The following BRINP1 variants were observed in gnomAD, a reference collection of about 807,000 sequenced individuals.
BRINP1 encodes BMP/retinoic acid-inducible neural-specific protein 1.
Under a neutral mutation model 72.9 loss-of-function variants are expected in BRINP1, and 17 were observed. That is an observed-to-expected ratio of 0.23 (90% CI 0.16 to 0.35). The LOEUF is 0.35. Among genes scored for constraint, BRINP1 ranks in the 10% least tolerant of loss-of-function variants. BRINP1 has a pLI of 1.00. For missense variants in BRINP1, 850 were observed against 1,001.6 expected (o/e 0.85, Z 2.04); for synonymous variants, 418 against 378.5 (o/e 1.10, Z -1.21).
intron 2 of BRINP1, among the ~76,000 whole-genome samples, chr9:119,265,505 G>A (rs1052201347): frequency 6.6e-6 from 1 of 152,086 alleles, no homozygotes; most frequent in East Asian, 1.9e-4. Flanking sequence ...GCTAAGGTGA[G>A]AGAATCACTT....
At chr9:119,308,322 C>T (rs1831019537) in intron 2 of BRINP1, among the ~76,000 whole-genome samples, 1 of 152,174 alleles carries the variant, frequency 6.6e-6, no homozygotes, top group Admixed American at 6.5e-5. Context: ...TACCTGGAAT[C>T]AAAAGCTGAA....
Position 119,249,010 on chromosome 9 carries a change from G to T in BRINP1, c.359C>A (p.Thr120Asn), listed in dbSNP as rs201992192. 4.3e-4 allele frequency: 694 copies of T among 1,613,992 alleles called. No homozygotes were observed. Among genetic ancestry groups the T allele is most frequent in the Middle Eastern group, 6.6e-4 (4 of 6,060 alleles). Reference protein sequence around the residue: ...RRPTTQQFIDTIIKKYGTHLL... With the variant: ...RRPTTQQFIDNIIKKYGTHLL... ...GTGGGTGCCGTACTTTTTGATGATG[G>T]TATCGATGAACTGCTGAGTGGTAGG... Residue 120 changes from threonine to asparagine, a missense_variant, in exon 3 of 8, where the codon ACC becomes AAC. Thr to Asn is a moderately conservative substitution (Grantham distance 65). Coordinates refer to ENST00000265922, the MANE Select transcript of BRINP1 (RefSeq NM_014618.3).
At chr9:119,353,818 A>G (rs1328640279) in intron 1 of BRINP1, among the ~76,000 whole-genome samples, 1 of 92,828 alleles carries the variant, frequency 1.1e-5, no homozygotes, top group Non-Finnish European at 2.2e-5. Flanking sequence ...TTTTGTTTTG[A>G]GCACTTTTTT....
At chr9:119,213,673 G>GGTAC in intron 6 of BRINP1, 1 of 590,980 alleles carries the variant, frequency 1.7e-6, no homozygotes, top group South Asian at 2.1e-5. Context: ...CTGTCTTCTG[G>GGTAC]GTACGACAGA....
intron 1 of BRINP1, among the ~76,000 whole-genome samples, chr9:119,344,027 C>G (rs1415576281): frequency 6.6e-6 from 1 of 152,138 alleles, no homozygotes; most frequent in South Asian, 2.1e-4. Flanking sequence ...CCTCCAGAGC[C>G]CCTACAGCAT....
intron 5 of BRINP1, among the ~76,000 whole-genome samples, chr9:119,237,957 G>T (rs1830208999): frequency 6.6e-6 from 1 of 152,112 alleles, no homozygotes; most frequent in African/African-American, 2.4e-5. Context: ...ACTGCACCCT[G>T]CCTATTTTTA....
intron 1 of BRINP1, among the ~76,000 whole-genome samples, chr9:119,343,486 T>C (rs1213172477): frequency 6.6e-6 from 1 of 152,194 alleles, no homozygotes; most frequent in African/African-American, 2.4e-5. Context: ...GAATCTGGCT[T>C]CTTCAACGTG....
chr9:119,324,720 A>AATTT (rs1469903784), intron 1 of BRINP1, among the ~76,000 whole-genome samples: 7 of 152,208 alleles, frequency 4.6e-5, no homozygotes, highest in Non-Finnish European at 8.8e-5. Flanking sequence ...ATGTGTAAAT[A>AATTT]ATTTATATAC....
chr9:119,225,622 C>G (rs1258478878), intron 5 of BRINP1, among the ~76,000 whole-genome samples: 1 of 151,830 alleles, frequency 6.6e-6, no homozygotes, highest in Admixed American at 6.6e-5. Flanking sequence ...AGACCCAGAA[C>G]CCACGGATAT....
chr9:119,363,340 G>A (rs527502826), intron 1 of BRINP1, among the ~76,000 whole-genome samples: 332 of 152,152 alleles, frequency 2.2e-3, no homozygotes, highest in Middle Eastern at 6.8e-3. Context: ...GGGCTCAAGC[G>A]ATCCTCCCAC....
rs116103661 is a variant in BRINP1 at position 119,186,853 on chromosome 9, G to A, written c.1146-18629C>T. On this transcript the variant is annotated intron_variant, in intron 7 of 7. Transcript: ENST00000265922. The stretch of plus-strand genomic sequence containing the variant: ...TTCTTGTTTCTACAGCGCCTCAGAG[G>A]ATTTGGGTAGCTGTTATGTCCCACC... Among the ~76,000 whole-genome samples the A allele has an allele frequency of 3.7e-3, 562 of 152,198 alleles. 4 individuals carry two copies. Among genetic ancestry groups the A allele is most frequent in the African/African-American group, 0.013 (523 of 41,520 alleles).
intron 1 of BRINP1, among the ~76,000 whole-genome samples, chr9:119,332,029 C>T (rs373736862): frequency 1.5e-4 from 23 of 152,282 alleles, no homozygotes; most frequent in Middle Eastern, 3.4e-3. Flanking sequence ...CTAAGAAATG[C>T]CTTCCTATTG....
intron 2 of BRINP1, among the ~76,000 whole-genome samples, chr9:119,251,703 A>G (rs1489800798): frequency 1.3e-5 from 2 of 151,922 alleles, no homozygotes; most frequent in African/African-American, 4.8e-5. Flanking sequence ...AGGGGGGAGC[A>G]TGAAAAAGAG....
intron 2 of BRINP1, among the ~76,000 whole-genome samples, chr9:119,277,781 G>C (rs1366286951): frequency 6.6e-6 from 1 of 152,120 alleles, no homozygotes; most frequent in Non-Finnish European, 1.5e-5. Flanking sequence ...AACATATCTA[G>C]TAATCTCTCC....
intron 1 of BRINP1, among the ~76,000 whole-genome samples, chr9:119,341,212 A>G (rs576109136): frequency 1.8e-4 from 28 of 152,338 alleles, no homozygotes; most frequent in African/African-American, 6.0e-4. Context: ...CACATCCAGC[A>G]TTTCAGAAAA....
At position 119,208,777 on chromosome 9, in the gene BRINP1, G is replaced by T; in HGVS notation, c.1087C>A (p.Leu363Ile). The change falls in exon 7 of 8, where the codon CTT becomes ATT. Residue 363 changes from leucine (L) to isoleucine (I), a missense_variant. Physicochemically the swap from Leu to Ile is conservative, Grantham distance 5 (BLOSUM62 2). Coordinates refer to ENST00000265922, the MANE Select transcript of BRINP1 (RefSeq NM_014618.3). The stretch of plus-strand genomic sequence containing the variant: ...CGACAGCGTACACTGAGGCCGAAAA[G>T]CTTGCGGGCAGTGCGTTGGATCTTT... Reference protein sequence around the residue: ...RQKIQRTARKLFGLSVRCRHN... With the variant: ...RQKIQRTARKIFGLSVRCRHN... The T allele has an allele frequency of 6.2e-7, 1 of 1,614,094 alleles. No homozygotes were observed. The highest frequency in any genetic ancestry group is 8.5e-7 in the Non-Finnish European group (1 of 1,180,032).
intron 1 of BRINP1, among the ~76,000 whole-genome samples, chr9:119,321,966 T>C (rs948724377): frequency 6.6e-6 from 1 of 152,278 alleles, no homozygotes; most frequent in Non-Finnish European, 1.5e-5. Context: ...TTCATCCATC[T>C]CCACATTTTT....
chr9:119,250,124 AGGAGGG>A (rs1830370470), intron 2 of BRINP1, among the ~76,000 whole-genome samples: 3 of 46,168 alleles, frequency 6.5e-5, no homozygotes, highest in Non-Finnish European at 4.2e-5. Flanking sequence ...GAGGGAGGGA[AGGAGGG>A]AGGGAGGGAG....
At chr9:119,303,173 G>T (rs184812876) in intron 2 of BRINP1, among the ~76,000 whole-genome samples, 2 of 151,968 alleles carry the variant, frequency 1.3e-5, no homozygotes, top group African/African-American at 4.8e-5. Flanking sequence ...TCGCAGAGAG[G>T]CTGTCACAAG....
Sources: allele counts gnomAD v4.1 joint callset (sites outside exome capture counted in the v4.1 genomes callset), GRCh38; gene constraint gnomAD v4.1.1; transcripts MANE v1.5; gene names NCBI Gene and HGNC (gene_info 2026-07-23, HGNC 2026-07-21).